Variants in CEACAM1 observed in about 807,000 individuals in gnomAD.
CEACAM1 encodes CEA cell adhesion molecule 1.
A neutral mutation model predicts 49.1 loss-of-function variants in CEACAM1; 31 were observed. The observed-to-expected ratio is 0.63, with a 90% confidence interval of 0.47 to 0.85. The LOEUF is 0.85. Among genes scored for constraint, CEACAM1 ranks in the 40% least tolerant of loss-of-function variants. CEACAM1 has a pLI of 0.00. For missense variants in CEACAM1, 570 were observed against 645.3 expected, an observed-to-expected ratio of 0.88 and a Z score of 1.26; for synonymous variants, 244 against 247.8, an observed-to-expected ratio of 0.98 and a Z score of 0.14.
rs140710372 is a variant in CEACAM1, at chr19:42,521,280, C to A, written c.945G>T (p.Thr315=). The change falls in exon 4 of 9, where the codon ACG becomes ACT. Residue 315 remains threonine (T), a synonymous_variant. Transcript: ENST00000161559. ...VTGCNRTTVK[T]IIVTELSPVV... is the part of the protein sequence containing the mutation. Reference sequence around the variant, plus strand: ...GGAATTACTTACCAGTGACTATGATCGTCTTGACTGTGGTCCTGTTGCAGC... The same window carrying A: ...GGAATTACTTACCAGTGACTATGATAGTCTTGACTGTGGTCCTGTTGCAGC... 6.4e-5 allele frequency: 103 copies of A among 1,614,022 alleles called. No individual in the cohort carries two copies. Among genetic ancestry groups the A allele is most frequent in the Non-Finnish European group, 8.6e-5 (102 of 1,179,998 alleles).
Position 42,528,467 on chromosome 19 carries a change from T to G in CEACAM1, c.-93A>C. On this transcript the variant is annotated 5_prime_UTR_variant, in exon 1 of 9. Coordinates refer to ENST00000161559, the MANE Select transcript of CEACAM1 (RefSeq NM_001712.5). ...GGCTGCTCTGTCACCTCTGCTGTTT[T>G]CCACTCTCTGTGCTGAGCCTCCTCC... 1.6e-6 allele frequency: 2 copies of G among 1,260,772 alleles called. No individual in the cohort carries two copies. The highest frequency in any genetic ancestry group is 2.3e-6 in the Non-Finnish European group (2 of 869,228). 78.1% of individuals were successfully genotyped at this position (1,260,772 alleles called of 1,614,324 possible).
At chr19:42,524,232 G>C (rs145307442) in intron 2 of CEACAM1, among the ~76,000 whole-genome samples, 228 of 152,292 alleles carry the variant, frequency 1.5e-3, no homozygotes, top group Non-Finnish European at 2.5e-3. Flanking sequence ...GTCATCATGA[G>C]GACACAGGTG....
At position 42,512,496 on chromosome 19, in the gene CEACAM1, AGAG is replaced by A. The variant is rs768690173; in HGVS notation, c.1247-20_1247-18del. Reference sequence around the variant, plus strand: ...GAGCATTATCTGTCATGGAGAGAAAAGAGGAGAAGAAATGAAAGTGAAATTATT... The same window carrying A: ...GAGCATTATCTGTCATGGAGAGAAAAGAGAAGAAATGAAAGTGAAATTATT... On this transcript the variant is annotated intron_variant, in intron 5 of 8. Coordinates refer to ENST00000161559, the MANE Select transcript of CEACAM1 (RefSeq NM_001712.5). 3 of 1,610,696 alleles carry A rather than the reference AGAG, an allele frequency of 1.9e-6. No individual in the cohort carries two copies. The highest frequency in any genetic ancestry group is 1.7e-5 in the Admixed American group (1 of 59,690).
intron 2 of CEACAM1, among the ~76,000 whole-genome samples, chr19:42,524,800 C>T (rs1600241887): frequency 6.6e-6 from 1 of 152,178 alleles, no homozygotes; most frequent in South Asian, 2.1e-4. Flanking sequence ...ACCCCAGCAA[C>T]CAGGAGCCTC....
chr19:42,524,061 G>A (rs1452662155), intron 2 of CEACAM1, among the ~76,000 whole-genome samples: 3 of 152,192 alleles, frequency 2.0e-5, no homozygotes, highest in Admixed American at 6.5e-5. Flanking sequence ...GTAAAAAGAG[G>A]AACCCAAAAC....
chr19:42,513,893 C>CATATATATATATATATAT (rs144403954), intron 5 of CEACAM1, among the ~76,000 whole-genome samples: 96 of 104,930 alleles, frequency 9.1e-4, no homozygotes, highest in African/African-American at 4.4e-3. Flanking sequence ...CTTCTCCCTC[C>CATATATATATATATATAT]ATATATATAT....
At chr19:42,527,421 T>TTG in intron 1 of CEACAM1, 21 bp from the exon 2 acceptor site, 1 of 1,568,586 alleles carries the variant, frequency 6.4e-7, no homozygotes, top group Non-Finnish European at 8.6e-7. Flanking sequence ...GGAGAGAGCA[T>TTG]CAGTCAATAT....
At chr19:42,512,590 C>T (rs2041486578) in intron 5 of CEACAM1, 111 bp from the exon 6 acceptor site, 2 of 1,111,226 alleles carry the variant, frequency 1.8e-6, no homozygotes. Flanking sequence ...TCAAGGAATA[C>T]AGTTTCGTTG....
chr19:42,521,869 G>A, intron 3 of CEACAM1, 55 bp downstream of exon 3: 2 of 1,613,122 alleles, frequency 1.2e-6, no homozygotes, highest in Non-Finnish European at 1.7e-6. Context: ...CCTGGCCTCT[G>A]GCTGCGTGGA....
At chr19:42,518,664 A>AT (rs1278402607) in intron 5 of CEACAM1, 209 of 344,614 alleles carry the variant, frequency 6.1e-4, no homozygotes, top group East Asian at 1.2e-3. Context: ...TGCCCGGCTA[A>AT]TTTTTTTTTG....
Position 42,521,495 on chromosome 19 carries a change from G to C in CEACAM1, c.730C>G (p.Pro244Ala). 6.2e-7 allele frequency: 1 copy of C among 1,614,082 alleles called. No individual in the cohort carries two copies. The highest frequency in any genetic ancestry group is 1.6e-4 in the Middle Eastern group (1 of 6,062). ...TYGPDTPTIS[P>A]SDTYYRPGAN... ...CCTGGACGGTAATAGGTGTCTGAAG[G>C]GGAAATGGTGGGGGTGTCCGGGCCA... Residue 244 changes from proline to alanine, a missense_variant, in exon 4 of 9, where the codon CCT becomes GCT. Pro to Ala is a conservative substitution (Grantham distance 27). Transcript: ENST00000161559.
chr19:42,527,618 A>T, intron 1 of CEACAM1: 1 of 611,662 alleles, frequency 1.6e-6, no homozygotes, highest in East Asian at 3.2e-5. Flanking sequence ...TTTCTCTGGA[A>T]TGCCCTTCCC....
At chr19:42,515,621 C>T (rs1163316460) in intron 5 of CEACAM1, among the ~76,000 whole-genome samples, 1 of 151,924 alleles carries the variant, frequency 6.6e-6, no homozygotes, top group African/African-American at 2.4e-5. Context: ...CTGTGGTGAG[C>T]CATGATCAGC....
chr19:42,522,646 C>G (rs1041670757), intron 2 of CEACAM1, among the ~76,000 whole-genome samples: 2 of 151,854 alleles, frequency 1.3e-5, no homozygotes, highest in African/African-American at 2.4e-5. Context: ...ACTGCAACCT[C>G]TTCCTCCCGG....
intron 5 of CEACAM1, among the ~76,000 whole-genome samples, chr19:42,514,690 G>A (rs1202989869): frequency 6.6e-6 from 1 of 152,144 alleles, no homozygotes; most frequent in Non-Finnish European, 1.5e-5. Flanking sequence ...CTGTGTGCCA[G>A]GCCCTGTGCT....
At chr19:42,513,286 CT>C (rs2041507282) in intron 5 of CEACAM1, among the ~76,000 whole-genome samples, 1 of 152,072 alleles carries the variant, frequency 6.6e-6, no homozygotes, top group South Asian at 2.1e-4. Context: ...CCCTGTCAGC[CT>C]TGCAGAAATG....
intron 4 of CEACAM1, among the ~76,000 whole-genome samples, chr19:42,519,820 C>T (rs1600229536): frequency 6.6e-6 from 1 of 152,176 alleles, no homozygotes. Flanking sequence ...CCACCCGCCT[C>T]AGCCTCCCAA....
chr19:42,509,297 T>G, intron 8 of CEACAM1, 69 bp from the exon 9 acceptor site: 5 of 1,518,940 alleles, frequency 3.3e-6, no homozygotes, highest in Non-Finnish European at 4.4e-6. Flanking sequence ...CCTGGTGTGA[T>G]TCAGCACCAC....
chr19:42,518,496 CT>C (rs71167399), intron 5 of CEACAM1: 9,845 of 136,194 alleles, frequency 0.072, 924 homozygotes, highest in African/African-American at 0.26. Context: ...AGCCTGAGCT[CT>C]TTTTTTTTTT....
Sources: gnomAD v4.1 joint callset for allele counts (sites outside exome capture counted in the v4.1 genomes callset) on GRCh38, gnomAD v4.1.1 for gene constraint, MANE v1.5 for transcripts, NCBI Gene and HGNC (gene_info 2026-07-23, HGNC 2026-07-21) for gene names.